The following DENND1A variants were observed in gnomAD, a reference collection of about 807,000 sequenced individuals.
The protein encoded by DENND1A is DENN domain-containing protein 1A.
DENND1A carries 51 observed loss-of-function variants against 113.7 expected under a neutral mutation model. That is an observed-to-expected ratio of 0.45 (90% CI 0.36 to 0.57). The LOEUF is 0.57. DENND1A is among the 20% of genes least tolerant of loss of function. The pLI is 0.00. For synonymous variants in DENND1A, 565 were observed against 570.8 expected (o/e 0.99, Z 0.14); for missense variants, 1,258 against 1,395.9 (o/e 0.90, Z 1.57).
chr9:123,485,797 T>C (rs912640806), intron 13 of DENND1A, among the ~76,000 whole-genome samples: 5 of 152,340 alleles, frequency 3.3e-5, no homozygotes, highest in African/African-American at 1.2e-4. Context: ...TTTACAAAGT[T>C]TCCTGGATAT....
chr9:123,423,276 C>T (rs769176646), intron 19 of DENND1A, among the ~76,000 whole-genome samples: 122 of 152,176 alleles, frequency 8.0e-4, no homozygotes, highest in Non-Finnish European at 9.1e-4. Context: ...GGCAACTCAC[C>T]GGCCCCTTTT....
At chr9:123,575,322 G>A (rs543974905) in intron 12 of DENND1A, among the ~76,000 whole-genome samples, 2 of 152,280 alleles carry the variant, frequency 1.3e-5, no homozygotes, top group East Asian at 3.9e-4. Context: ...CTGACAGGAG[G>A]TAGAGTGCTC....
chr9:123,454,804 C>T (rs1363117446), intron 15 of DENND1A, 25 bp from the exon 16 acceptor site: 1 of 1,550,294 alleles, frequency 6.5e-7, no homozygotes, highest in South Asian at 1.2e-5. Flanking sequence ...TTCAGAGAAG[C>T]TGTCACTTAA....
At chr9:123,687,757 G>T (rs1018571503) in intron 5 of DENND1A, among the ~76,000 whole-genome samples, 1 of 152,220 alleles carries the variant, frequency 6.6e-6, no homozygotes, top group Non-Finnish European at 1.5e-5. Flanking sequence ...TTTGTGCAAG[G>T]CAAGCAGCCC....
In DENND1A at chr9:123,845,670, C is replaced by CAAAAAAAAAAA. The variant is rs555731367; in HGVS notation, c.88+33270_88+33280dup. Among the ~76,000 whole-genome samples, 130 of 44,078 alleles carry CAAAAAAAAAAA rather than the reference C, an allele frequency of 2.9e-3. 3 individuals carry two copies. Among genetic ancestry groups the CAAAAAAAAAAA allele is most frequent in the African/African-American group, 9.9e-3 (128 of 12,908 alleles). 28.9% of individuals were successfully genotyped at this position (44,078 alleles called of 152,430 possible). A position where few individuals can be genotyped will look rare whatever the true frequency, so the allele number is the denominator to read the frequency against. ...GGGTGACCAAGTGAGAACCTGTCTC[C>CAAAAAAAAAAA]AAAAAAAAAAAAAAAAAAAAAAAAA... On this transcript the variant is annotated intron_variant, in intron 2 of 23. Transcript: ENST00000394215.
intron 13 of DENND1A, among the ~76,000 whole-genome samples, chr9:123,514,063 G>A (rs2053667223): frequency 8.5e-6 from 1 of 118,296 alleles, no homozygotes; most frequent in Non-Finnish European, 1.7e-5. Context: ...GTTCTATTTT[G>A]AGGTGTGTGT....
intron 2 of DENND1A, among the ~76,000 whole-genome samples, chr9:123,819,330 C>T (rs1051579370): frequency 1.3e-5 from 2 of 152,102 alleles, no homozygotes; most frequent in Non-Finnish European, 2.9e-5. Context: ...CCTCACAAAT[C>T]GGAATTCTTG....
chr9:123,415,148 G>A (rs1588416391), intron 19 of DENND1A, among the ~76,000 whole-genome samples: 5 of 152,308 alleles, frequency 3.3e-5, no homozygotes, highest in South Asian at 4.1e-4. Flanking sequence ...AAAGAGTAAC[G>A]TGGTACAGAT....
intron 12 of DENND1A, among the ~76,000 whole-genome samples, chr9:123,577,089 C>T (rs1564750149): frequency 6.6e-6 from 1 of 152,136 alleles, no homozygotes; most frequent in Non-Finnish European, 1.5e-5. Flanking sequence ...ACCTTCCTTA[C>T]CTTCTGGGAC....
intron 5 of DENND1A, among the ~76,000 whole-genome samples, chr9:123,678,280 C>T (rs12340067): frequency 0.037 from 5,665 of 152,252 alleles, 169 homozygotes; most frequent in South Asian, 0.09. Flanking sequence ...GTTTACTGAG[C>T]AAATAAAGCC....
intron 1 of DENND1A, among the ~76,000 whole-genome samples, chr9:123,903,745 C>T (rs1416567380): frequency 1.3e-5 from 2 of 152,232 alleles, no homozygotes; most frequent in Non-Finnish European, 2.9e-5. Flanking sequence ...TCGCTGATTG[C>T]TAGCACAGCA....
In DENND1A at chr9:123,700,064, G is replaced by T. The variant is rs576293822; in HGVS notation, c.303-23275C>A. ...GGCACCTTTCTAAAAAATATATCTA[G>T]ATATCAGTTGATTCTCTATTCTGTT... On this transcript the variant is annotated intron_variant, in intron 5 of 23. Transcript: ENST00000394215. Among the ~76,000 whole-genome samples the T allele has an allele frequency of 2.6e-5, 4 of 152,206 alleles. No homozygotes were observed. In the South Asian group the frequency reaches 8.3e-4, roughly 32 times the overall value.
At chr9:123,681,912 G>A (rs1373503351) in intron 5 of DENND1A, among the ~76,000 whole-genome samples, 1 of 151,294 alleles carries the variant, frequency 6.6e-6, no homozygotes, top group East Asian at 1.9e-4. Context: ...TGCTGTGTTG[G>A]GTTAGGAAAA....
intron 11 of DENND1A, among the ~76,000 whole-genome samples, chr9:123,583,772 G>A (rs1165725466): frequency 2.0e-5 from 3 of 152,072 alleles, no homozygotes; most frequent in African/African-American, 7.2e-5. Context: ...TCCCTTAAAC[G>A]CCAAGTAGGA....
intron 12 of DENND1A, among the ~76,000 whole-genome samples, chr9:123,572,479 C>T (rs1363939545): frequency 6.6e-6 from 1 of 152,132 alleles, no homozygotes; most frequent in Non-Finnish European, 1.5e-5. Context: ...TTAAAATATA[C>T]ATCTATAAGA....
Position 123,457,828 on chromosome 9 carries a change from G to T in DENND1A, c.1063C>A (p.Leu355Met), listed in dbSNP as rs904201994. 2.5e-6 allele frequency: 4 copies of T among 1,612,548 alleles called. No individual in the cohort carries two copies. Among genetic ancestry groups the T allele is most frequent in the African/African-American group, 1.3e-5 (1 of 74,866 alleles). The change falls in exon 14 of 24, where the codon CTG becomes ATG. Residue 355 changes from leucine (L) to methionine (M), a missense_variant. Physicochemically the swap from Leu to Met is conservative, Grantham distance 15. Coordinates refer to ENST00000394215, the MANE Select transcript of DENND1A (RefSeq NM_001352964.2). ...AGCTGCAGCTGTGTGGCGTTCTGCAGGAACTGCCTCATGGCTCCGGAGCGG... is the reference window on the plus strand; with the variant it reads ...AGCTGCAGCTGTGTGGCGTTCTGCATGAACTGCCTCATGGCTCCGGAGCGG... ...HYRSGAMRQFLQNATQLQLFK... is the reference protein window; with the variant it reads ...HYRSGAMRQFMQNATQLQLFK...
At chr9:123,605,156 G>T (rs4836938) in intron 11 of DENND1A, among the ~76,000 whole-genome samples, 64,872 of 151,936 alleles carry the variant, frequency 0.43, 14,432 homozygotes, top group African/African-American at 0.55. Flanking sequence ...ACAAGCCACC[G>T]GATCCTCTGT....
At chr9:123,508,473 A>G (rs1054866252) in intron 13 of DENND1A, among the ~76,000 whole-genome samples, 2 of 152,244 alleles carry the variant, frequency 1.3e-5, no homozygotes, top group African/African-American at 4.8e-5. Context: ...TGTTTCTGCA[A>G]CTTCACAGCA....
At chr9:123,635,070 A>G (rs1455768823) in intron 9 of DENND1A, among the ~76,000 whole-genome samples, 1 of 142,570 alleles carries the variant, frequency 7.0e-6, no homozygotes, top group Admixed American at 7.0e-5. Context: ...ACGGAGTGGG[A>G]AAAATCACAA....
Sources: gnomAD v4.1 joint callset for allele counts (sites outside exome capture counted in the v4.1 genomes callset) on GRCh38, gnomAD v4.1.1 for gene constraint, MANE v1.5 for transcripts, NCBI Gene and HGNC (gene_info 2026-07-23, HGNC 2026-07-21) for gene names.